Variants in STS observed in about 807,000 individuals in gnomAD.
STS encodes the protein steroid sulfatase.
STS carries 7 observed loss-of-function variants against 26.8 expected under a neutral mutation model. That is an observed-to-expected ratio of 0.26 (90% CI 0.15 to 0.49). The LOEUF is 0.49. Ranked by LOEUF, STS falls within the 20% of genes least tolerant of loss-of-function variation. The pLI is 0.98. For missense variants in STS, 434 were observed against 465.6 expected (o/e 0.93, Z 0.63); for synonymous variants, 199 against 189.4 (o/e 1.05, Z -0.42).
intron 1 of STS, among the ~76,000 whole-genome samples, chrX:7,153,757 C>T (rs111213510): frequency 4.1e-5 from 4 of 97,361 alleles, no homozygotes; most frequent in African/African-American, 1.6e-4. Flanking sequence ...TCCTTCCCTC[C>T]CTTCCTTTCC....
chrX:7,206,200 T>C (rs1272545579), intron 2 of STS, among the ~76,000 whole-genome samples: 1 of 112,261 alleles, frequency 8.9e-6, no homozygotes, highest in Non-Finnish European at 1.9e-5. Context: ...TGGTAATCTC[T>C]TGCTCTCTCT....
At chrX:7,280,707 G>T (rs762811089) in intron 7 of STS, among the ~76,000 whole-genome samples, 7 of 112,164 alleles carry the variant, frequency 6.2e-5, no homozygotes, top group Non-Finnish European at 1.1e-4. Flanking sequence ...ATCACAGCTA[G>T]TCTGTGAAGT....
intron 9 of STS, among the ~76,000 whole-genome samples, chrX:7,326,737 G>A (rs753113944): frequency 3.6e-5 from 4 of 112,038 alleles, no homozygotes; most frequent in African/African-American, 6.5e-5. Context: ...TCACGCAGGC[G>A]GCTGCAAATC....
At chrX:7,231,096 A>G (rs1271375309) in intron 2 of STS, among the ~76,000 whole-genome samples, 1 of 112,130 alleles carries the variant, frequency 8.9e-6, no homozygotes, top group African/African-American at 3.2e-5. Context: ...AAAGCAACCC[A>G]GACATGGTGC....
At chrX:7,163,155 G>T (rs181972218) in intron 1 of STS, among the ~76,000 whole-genome samples, 1 of 110,941 alleles carries the variant, frequency 9.0e-6, no homozygotes, top group Non-Finnish European at 1.9e-5. Context: ...TCACTCTCTG[G>T]TGGTGGCTGT....
At chrX:7,172,252 G>T (rs1352442613) in intron 1 of STS, among the ~76,000 whole-genome samples, 2 of 111,484 alleles carry the variant, frequency 1.8e-5, no homozygotes, top group African/African-American at 6.5e-5. Context: ...TGTAGAAGCA[G>T]CATCCTTAAG....
intron 2 of STS, among the ~76,000 whole-genome samples, chrX:7,225,584 C>G (rs975894672): frequency 6.3e-5 from 7 of 111,199 alleles, no homozygotes; most frequent in Non-Finnish European, 1.3e-4. Context: ...ATATAGGTGC[C>G]CTTTGCCTAG....
At chrX:7,182,157 C>T (rs956454061) in intron 1 of STS, among the ~76,000 whole-genome samples, 10 of 111,649 alleles carry the variant, frequency 9.0e-5, no homozygotes, top group East Asian at 2.8e-4. Flanking sequence ...AAGCATCCCG[C>T]GATATTGGCT....
At chrX:7,272,384 A>G (rs1163015676) in intron 6 of STS, among the ~76,000 whole-genome samples, 2 of 110,619 alleles carry the variant, frequency 1.8e-5, no homozygotes, top group Non-Finnish European at 3.8e-5. Flanking sequence ...TCAAAGTAAC[A>G]AAAGACTGAG....
At position 7,333,957 on chromosome X, in the gene STS, G is replaced by A. The variant is rs757597527; in HGVS notation, c.1242-29G>A. The A allele has an allele frequency of 1.2e-5, 15 of 1,209,298 alleles. No homozygotes were observed. The South Asian group carries it at 1.6e-4, about 13-fold the overall frequency. ...ATTTGAGAACACAGGACTGATTCAC[G>A]TCTTGATGCCTGGCTGTTTATCCCA... is the stretch of plus-strand genomic sequence containing the variant. On this transcript the variant is annotated intron_variant, in intron 9 of 10. Transcript: ENST00000674429.
At chrX:7,279,314 T>G in intron 7 of STS, among the ~76,000 whole-genome samples, 1 of 38,977 alleles carries the variant, frequency 2.6e-5, no homozygotes, top group African/African-American at 7.5e-5. Flanking sequence ...TATATATATG[T>G]GTGTGTGTGT....
At chrX:7,263,813 GTGTT>G (rs1350849639) in intron 6 of STS, among the ~76,000 whole-genome samples, 2 of 93,740 alleles carry the variant, frequency 2.1e-5, no homozygotes, top group South Asian at 4.4e-4. Context: ...ATATGTGTGT[GTGTT>G]TGTGTATATA....
chrX:7,279,319 G>GTGTGTGTGTGTGTGTGTGTA (rs1924711918), intron 7 of STS, among the ~76,000 whole-genome samples: 2 of 39,960 alleles, frequency 5.0e-5, no homozygotes, highest in East Asian at 8.9e-4. Flanking sequence ...ATATGTGTGT[G>GTGTGTGTGTGTGTGTGTGTA]TGTGTGTGTG....
At chrX:7,221,466 T>G in intron 2 of STS, among the ~76,000 whole-genome samples, 1 of 112,232 alleles carries the variant, frequency 8.9e-6, no homozygotes, top group East Asian at 2.8e-4. Flanking sequence ...TTAGATGCTG[T>G]AACACATGAT....
At chrX:7,191,889 C>T (rs937959595) in intron 2 of STS, among the ~76,000 whole-genome samples, 1 of 112,485 alleles carries the variant, frequency 8.9e-6, no homozygotes, top group Non-Finnish European at 1.9e-5. Flanking sequence ...GAGCTCTTTT[C>T]GCTGATGGGA....
Position 7,147,874 on chromosome X carries a change from G to A in STS, c.-343G>A. The A allele has an allele frequency of 4.5e-6, 1 of 222,435 alleles. No individual in the cohort carries two copies. The highest frequency in any genetic ancestry group is 8.4e-6 in the Non-Finnish European group (1 of 119,542). The allele number at this position is 222,435 out of a possible 1,213,427, so 18.3% of individuals were successfully genotyped here. ...CGCCAGCCCGGACATGGGCCCGCGG[G>A]CGCTCCTGGCCGCCGCCCGACTTCG... On this transcript the variant is annotated 5_prime_UTR_variant, in exon 1 of 11. Transcript: ENST00000674429.
Position 7,305,161 on chromosome X carries a change from C to A in STS, c.1059C>A (p.Gly353=). 2 of 1,210,530 alleles carry A rather than the reference C, an allele frequency of 1.7e-6. No individual in the cohort carries two copies. Among genetic ancestry groups the A allele is most frequent in the Non-Finnish European group, 2.2e-6 (2 of 894,727 alleles). ...TGTCTTCCAAAGGAGAAATTCATGG[C>A]GGAAGTAATGGGATCTATAAAGGTG... is the stretch of plus-strand genomic sequence containing the variant. ...EEVSSKGEIH[G]GSNGIYKGGK... Residue 353 remains glycine (G), a synonymous_variant, in exon 8 of 11, where the codon GGC becomes GGA. Coordinates refer to ENST00000674429, the MANE Select transcript of STS (RefSeq NM_001320752.2).
rs1477179869 is a variant in STS, at chrX:7,279,292, A to AAATATAT, written c.943+3206_943+3207insATATATA. ...GTACTCCAGGAAGAAAAAAAAAAAA[A>AAATATAT]ATATATATATATATATATATGTGTG... is the stretch of plus-strand genomic sequence containing the variant. On this transcript the variant is annotated intron_variant, in intron 7 of 10. Transcript: ENST00000674429. 1.1e-3 allele frequency among the ~76,000 whole-genome samples: 72 copies of AAATATAT among 62,758 alleles called. 2 individuals carry two copies. Among genetic ancestry groups the AAATATAT allele is most frequent in the African/African-American group, 4.1e-3 (66 of 16,066 alleles). The allele number at this position is 62,758 out of a possible 115,157, so 54.5% of individuals were successfully genotyped here.
intron 2 of STS, among the ~76,000 whole-genome samples, chrX:7,192,060 A>C (rs1933884096): frequency 8.9e-6 from 1 of 112,328 alleles, no homozygotes; most frequent in African/African-American, 3.2e-5. Flanking sequence ...ATATTTGGCC[A>C]TTCAGAGCAT....
Sources: allele counts gnomAD v4.1 joint callset (sites outside exome capture counted in the v4.1 genomes callset), GRCh38; gene constraint gnomAD v4.1.1; transcripts MANE v1.5; gene names NCBI Gene and HGNC (gene_info 2026-07-23, HGNC 2026-07-21).